The following RBFOX1 variants were observed in gnomAD, a reference collection of about 807,000 sequenced individuals.
RBFOX1 encodes the protein RNA binding fox-1 homolog 1, also known as RNA binding protein fox-1 homolog 1.
A neutral mutation model predicts 57.7 loss-of-function variants in RBFOX1; 8 were observed. The ratio of observed to expected loss-of-function variants is 0.14; its 90% CI spans 0.08 to 0.25. RBFOX1 has a LOEUF of 0.25. RBFOX1 is among the 10% of genes least tolerant of loss of function. RBFOX1 has a pLI of 1.00. For missense variants in RBFOX1, 611 were observed against 548.5 expected, an observed-to-expected ratio of 1.11 and a Z score of -1.14; for synonymous variants, 326 against 222.4, an observed-to-expected ratio of 1.47 and a Z score of -4.15.
chr16:6,867,027 AAAAAAAC>A (rs2060060733), intron 3 of RBFOX1, among the ~76,000 whole-genome samples: 1 of 152,012 alleles, frequency 6.6e-6, no homozygotes, highest in South Asian at 2.1e-4. Context: ...AAAAAAAAAA[AAAAAAAC>A]TTCCATGTCT....
intron 3 of RBFOX1, among the ~76,000 whole-genome samples, chr16:5,645,706 C>T (rs943157534): frequency 1.3e-5 from 2 of 152,156 alleles, no homozygotes; most frequent in South Asian, 2.1e-4. Context: ...TGGTCTGGCA[C>T]CCAGACTGGA....
chr16:7,036,403 A>C (rs987774784), intron 3 of RBFOX1, among the ~76,000 whole-genome samples: 3 of 151,984 alleles, frequency 2.0e-5, no homozygotes, highest in Non-Finnish European at 2.9e-5. Context: ...GGGTTCTTGG[A>C]TCTCCCTCAA....
chr16:6,625,685 A>G (rs1278735587), intron 2 of RBFOX1, among the ~76,000 whole-genome samples: 2 of 151,790 alleles, frequency 1.3e-5, no homozygotes, highest in Admixed American at 6.6e-5. Context: ...CTGCCTTATC[A>G]GTATCTCTTC....
At chr16:5,571,338 A>C (rs1173571594) in intron 2 of RBFOX1, among the ~76,000 whole-genome samples, 1 of 146,590 alleles carries the variant, frequency 6.8e-6, no homozygotes, top group African/African-American at 2.5e-5. Flanking sequence ...TTACTGCCTC[A>C]GCCTCCCAAG....
chr16:6,879,291 C>A (rs1294782587), intron 3 of RBFOX1, among the ~76,000 whole-genome samples: 2 of 152,116 alleles, frequency 1.3e-5, no homozygotes, highest in African/African-American at 2.4e-5. Flanking sequence ...AAGGGCAGCC[C>A]AACACTATAT....
rs142607778 is a variant in RBFOX1, at chr16:5,884,502, G to T, written c.351+17167G>T. Among the ~76,000 whole-genome samples, 1,034 of 141,092 alleles carry T rather than the reference G, an allele frequency of 7.3e-3. 9 individuals are homozygous for T. The highest frequency in any genetic ancestry group is 0.015 in the Middle Eastern group (4 of 274). The allele number at this position is 141,092 out of a possible 152,430, so 92.6% of individuals were successfully genotyped here. On this transcript the variant is annotated intron_variant, in intron 4 of 19. Transcript: ENST00000641259. ...CGCCCCCGGCTAGGGTACACAGCTGGACTACATTTCCCAGCCTCCCTTGTA... is the reference window on the plus strand; with the variant it reads ...CGCCCCCGGCTAGGGTACACAGCTGTACTACATTTCCCAGCCTCCCTTGTA...
intron 3 of RBFOX1, among the ~76,000 whole-genome samples, chr16:6,925,883 A>C (rs1014679277): frequency 6.6e-6 from 1 of 152,086 alleles, no homozygotes. Flanking sequence ...ACATTTCTCT[A>C]TGTAATTTTG....
At chr16:6,437,633 T>C (rs2094273894) in intron 2 of RBFOX1, among the ~76,000 whole-genome samples, 1 of 152,086 alleles carries the variant, frequency 6.6e-6, no homozygotes, top group Admixed American at 6.6e-5. Flanking sequence ...AGAAAAGAGG[T>C]TTAATTGACT....
chr16:6,811,524 C>G (rs1453468144), intron 3 of RBFOX1, among the ~76,000 whole-genome samples: 1 of 152,108 alleles, frequency 6.6e-6, no homozygotes, highest in Non-Finnish European at 1.5e-5. Context: ...AGTCCTCAGA[C>G]CACAGTTAAA....
chr16:7,041,156 G>A (rs931810275), intron 3 of RBFOX1, among the ~76,000 whole-genome samples: 4 of 141,090 alleles, frequency 2.8e-5, no homozygotes, highest in African/African-American at 8.1e-5. Flanking sequence ...GGCTGGTGTC[G>A]AACATCTGAC....
At chr16:7,351,852 A>G (rs2097135633) in intron 4 of RBFOX1, among the ~76,000 whole-genome samples, 2 of 152,184 alleles carry the variant, frequency 1.3e-5, no homozygotes, top group African/African-American at 2.4e-5. Context: ...AGGCCCAGGC[A>G]GGAAATTTTC....
intron 1 of RBFOX1, among the ~76,000 whole-genome samples, chr16:5,264,588 G>C (rs2062813388): frequency 6.6e-6 from 1 of 152,144 alleles, no homozygotes; most frequent in Non-Finnish European, 1.5e-5. Flanking sequence ...AAACATTTTT[G>C]TATTTGCATT....
At position 7,638,156 on chromosome 16, in the gene RBFOX1, G is replaced by C. The variant is rs112339421; in HGVS notation, c.757+7473G>C. On this transcript the variant is annotated intron_variant, in intron 11 of 15. Transcript: ENST00000550418. ...ACGACAGTGAACGCCTGTTAACCTA[G>C]TTGCAGCCCTGAAATCATGATGATA... is the stretch of plus-strand genomic sequence containing the variant. Among the ~76,000 whole-genome samples the C allele has an allele frequency of 7.9e-3, 1,199 of 152,284 alleles. 16 individuals are homozygous for C. The highest frequency in any genetic ancestry group is 0.026 in the African/African-American group (1,081 of 41,560).
intron 2 of RBFOX1, among the ~76,000 whole-genome samples, chr16:6,634,550 A>C (rs540777529): frequency 6.8e-5 from 10 of 148,072 alleles, no homozygotes; most frequent in Non-Finnish European, 1.5e-4. Flanking sequence ...TTTTAATTTA[A>C]ATATAAAAGT....
intron 2 of RBFOX1, among the ~76,000 whole-genome samples, chr16:6,616,949 C>T (rs559187962): frequency 6.6e-6 from 1 of 152,274 alleles, no homozygotes; most frequent in African/African-American, 2.4e-5. Context: ...TGGCTTCCTG[C>T]CACGACAGCA....
At chr16:5,896,032 C>T (rs1163860562) in intron 4 of RBFOX1, among the ~76,000 whole-genome samples, 1 of 152,084 alleles carries the variant, frequency 6.6e-6, no homozygotes, top group Non-Finnish European at 1.5e-5. Flanking sequence ...TTGGGTACTT[C>T]AGATGCCGAG....
At chr16:5,327,159 G>T (rs927183734) in intron 1 of RBFOX1, among the ~76,000 whole-genome samples, 2 of 152,184 alleles carry the variant, frequency 1.3e-5, no homozygotes, top group East Asian at 1.9e-4. Context: ...TCATTGAATA[G>T]GTTTTCACCT....
At chr16:5,959,878 A>G (rs1420918969) in intron 4 of RBFOX1, among the ~76,000 whole-genome samples, 1 of 152,102 alleles carries the variant, frequency 6.6e-6, no homozygotes, top group African/African-American at 2.4e-5. Flanking sequence ...CTCTCTCCCC[A>G]TCCAGCTACC....
At chr16:5,362,348 G>A (rs113595560) in intron 1 of RBFOX1, among the ~76,000 whole-genome samples, 1,941 of 152,022 alleles carry the variant, frequency 0.013, 39 homozygotes, top group African/African-American at 0.044. Flanking sequence ...ACGCCACCAC[G>A]CCCAGATGGT....
Sources: allele counts gnomAD v4.1 joint callset (sites outside exome capture counted in the v4.1 genomes callset), GRCh38; gene constraint gnomAD v4.1.1; transcripts MANE v1.5; gene names NCBI Gene and HGNC (gene_info 2026-07-23, HGNC 2026-07-21).